The following NTSR1 variants were observed in gnomAD, a reference collection of about 807,000 sequenced individuals.
NTSR1 encodes neurotensin receptor type 1.
NTSR1 carries 29 observed loss-of-function variants against 31.2 expected under a neutral mutation model. That is an observed-to-expected ratio of 0.93 (90% CI 0.69 to 1.27). The LOEUF (loss-of-function observed/expected upper bound fraction) is 1.27. Among genes scored for constraint, NTSR1 ranks in the 50% most tolerant of loss-of-function variants. The pLI is 0.00. For synonymous variants in NTSR1, 282 were observed against 269.9 expected (o/e 1.04, Z -0.44); for missense variants, 697 against 595.4 (o/e 1.17, Z -1.78).
At chr20:62,725,707 C>A (rs1163712288) in intron 1 of NTSR1, among the ~76,000 whole-genome samples, 4 of 152,154 alleles carry the variant, frequency 2.6e-5, no homozygotes, top group Admixed American at 6.5e-5. Flanking sequence ...GGCACAGACG[C>A]CGCCGCCTCA....
At chr20:62,752,265 C>G (rs536420429) in intron 1 of NTSR1, among the ~76,000 whole-genome samples, 2 of 152,226 alleles carry the variant, frequency 1.3e-5, no homozygotes, top group Non-Finnish European at 2.9e-5. Context: ...TGGACGTGCT[C>G]CCTTTGCTTG....
intron 1 of NTSR1, among the ~76,000 whole-genome samples, chr20:62,722,627 C>T (rs1051492028): frequency 3.9e-5 from 6 of 152,174 alleles, no homozygotes; most frequent in African/African-American, 7.2e-5. Context: ...CAGATAGTAA[C>T]GTTCTGCCCG....
At chr20:62,746,438 A>G (rs1273206676) in intron 1 of NTSR1, among the ~76,000 whole-genome samples, 1 of 152,180 alleles carries the variant, frequency 6.6e-6, no homozygotes, top group Non-Finnish European at 1.5e-5. Flanking sequence ...TCTCCTCCCC[A>G]GGATCCAAGA....
In NTSR1 at chr20:62,714,170, C is replaced by T. The variant is rs373341667; in HGVS notation, c.714+4249C>T. On this transcript the variant is annotated intron_variant, in intron 1 of 3. Transcript: ENST00000370501. This position sits in a 1 kb window ranked among gnomAD's most constrained non-coding sequence, Gnocchi z 4.1. ...GCTCCACTCTGACCTCCCGTGAGGA[C>T]GGGAAGGGGACCCACGCCACGCAGC... 1.6e-4 allele frequency among the ~76,000 whole-genome samples: 25 copies of T among 152,308 alleles called. No individual in the cohort carries two copies. In the South Asian group the frequency reaches 1.7e-3, roughly 10 times the overall value.
chr20:62,721,132 T>G (rs1437247867), intron 1 of NTSR1, among the ~76,000 whole-genome samples: 1 of 152,240 alleles, frequency 6.6e-6, no homozygotes, highest in Non-Finnish European at 1.5e-5. Flanking sequence ...TCTATGAAGG[T>G]CAATTTGTTG....
rs971315125 is a variant in NTSR1 at position 62,715,620 on chromosome 20, G to A, written c.714+5699G>A. On this transcript the variant is annotated intron_variant, in intron 1 of 3. Coordinates refer to ENST00000370501, the MANE Select transcript of NTSR1 (RefSeq NM_002531.3). The surrounding 1 kb of genome is among the most constrained non-coding windows in gnomAD (Gnocchi z 4.7). ...TCACCTGTTCACAGCTCTGCATTGT[G>A]ACCCGGGGTCAGCTCTCCCGGGCTG... Among the ~76,000 whole-genome samples the A allele has an allele frequency of 2.0e-5, 3 of 152,226 alleles. No homozygotes were observed. The highest frequency in any genetic ancestry group is 3.2e-3 in the Middle Eastern group (1 of 316).
At chr20:62,727,543 G>A (rs747550848) in intron 1 of NTSR1, among the ~76,000 whole-genome samples, 8 of 152,366 alleles carry the variant, frequency 5.3e-5, no homozygotes, top group East Asian at 1.9e-4. Flanking sequence ...AGGAGAGTCC[G>A]CTGTGGTACG....
chr20:62,718,485 T>C (rs1049129812), intron 1 of NTSR1, among the ~76,000 whole-genome samples: 1 of 152,162 alleles, frequency 6.6e-6, no homozygotes, highest in Non-Finnish European at 1.5e-5. Context: ...AATGCAGCCA[T>C]GTATCCCCAC....
intron 1 of NTSR1, among the ~76,000 whole-genome samples, chr20:62,749,298 G>A (rs908108742): frequency 2.6e-5 from 4 of 152,092 alleles, no homozygotes; most frequent in East Asian, 1.9e-4. Context: ...AAAATTAGCC[G>A]GGTGTGGTGG....
intron 1 of NTSR1, among the ~76,000 whole-genome samples, chr20:62,729,883 A>G (rs1324552063): frequency 6.6e-6 from 1 of 152,108 alleles, no homozygotes; most frequent in Non-Finnish European, 1.5e-5. Flanking sequence ...TCGGCCTCCC[A>G]AAGTGCTGGG....
Position 62,742,622 on chromosome 20 carries a change from G to A in NTSR1, c.715-12063G>A, listed in dbSNP as rs1989224589. ...GCTCCCCAGACACCTGTTTACACAGGGCCCTAGGTCTCAGGTGTCCTGTGG... is the reference window on the plus strand; with the variant it reads ...GCTCCCCAGACACCTGTTTACACAGAGCCCTAGGTCTCAGGTGTCCTGTGG... On this transcript the variant is annotated intron_variant, in intron 1 of 3. Transcript: ENST00000370501. This position sits in a 1 kb window ranked among gnomAD's most constrained non-coding sequence, Gnocchi z 7.1. Among the ~76,000 whole-genome samples, 2 of 149,344 alleles carry A rather than the reference G, an allele frequency of 1.3e-5. No homozygotes were observed. Among genetic ancestry groups the A allele is most frequent in the Admixed American group, 1.3e-4 (2 of 14,858 alleles).
rs1357346921 is a variant in NTSR1 at position 62,758,944 on chromosome 20, A to G, written c.1007+588A>G. On this transcript the variant is annotated intron_variant, in intron 3 of 3. Transcript: ENST00000370501. The surrounding 1 kb of genome is among the most constrained non-coding windows in gnomAD (Gnocchi z 4.5). ...GCACCCACTGCCTGGCAAAACCCCTACTGTTTGCACCAACAGTTCAGGGGC... is the reference window on the plus strand; with the variant it reads ...GCACCCACTGCCTGGCAAAACCCCTGCTGTTTGCACCAACAGTTCAGGGGC... Among the ~76,000 whole-genome samples the G allele has an allele frequency of 6.6e-6, 1 of 152,122 alleles. No homozygotes were observed. The highest frequency in any genetic ancestry group is 1.5e-5 in the Non-Finnish European group (1 of 68,024).
At chr20:62,717,140 G>A (rs1482034079) in intron 1 of NTSR1, among the ~76,000 whole-genome samples, 1 of 152,202 alleles carries the variant, frequency 6.6e-6, no homozygotes, top group African/African-American at 2.4e-5. Context: ...AGCATTGCCA[G>A]TGGGGCACCA....
chr20:62,718,022 AG>A (rs1171652940), intron 1 of NTSR1, among the ~76,000 whole-genome samples: 13 of 152,140 alleles, frequency 8.5e-5, no homozygotes, highest in Non-Finnish European at 1.9e-4. Flanking sequence ...GATGCCAGGT[AG>A]GGGAACAGCA....
rs1214127030 is a variant in NTSR1 at position 62,760,144 on chromosome 20, A to G, written c.1134A>G (p.Thr378=). 2 of 1,614,098 alleles carry G rather than the reference A, an allele frequency of 1.2e-6. No homozygotes were observed. Among genetic ancestry groups the G allele is most frequent in the Non-Finnish European group, 1.7e-6 (2 of 1,180,010 alleles). The change falls in exon 4 of 4, where the codon ACA becomes ACG. Residue 378 remains threonine (T), a synonymous_variant. Transcript: ENST00000370501. ...SANFRHIFLA[T]LACLCPVWRR... is the part of the protein sequence containing the mutation. ...ACTTCCGCCACATCTTCCTGGCCAC[A>G]CTGGCCTGCCTCTGCCCGGTGTGGC...
At position 62,754,685 on chromosome 20, in the gene NTSR1, G is replaced by T; in HGVS notation, c.715G>T (p.Val239Phe). 2 of 1,611,738 alleles carry T rather than the reference G, an allele frequency of 1.2e-6. No individual in the cohort carries two copies. The highest frequency in any genetic ancestry group is 1.7e-6 in the Non-Finnish European group (2 of 1,179,400). Residue 239 changes from valine (V) to phenylalanine (F), a missense_variant and splice_region_variant, in exon 2 of 4, where the codon GTC becomes TTC. Physicochemically the swap from Val to Phe is conservative, Grantham distance 50 (BLOSUM62 -1). Transcript: ENST00000370501. ...HTATVKVVIQ[V>F]NTFMSFIFPM... Reference sequence around the variant, plus strand: ...CAGCCTCGCCCTTCCTCTCCTGCAGGTCAACACCTTCATGTCCTTCATATT... The same window carrying T: ...CAGCCTCGCCCTTCCTCTCCTGCAGTTCAACACCTTCATGTCCTTCATATT...
Position 62,760,220 on chromosome 20 carries a change from A to G in NTSR1, c.1210A>G (p.Ser404Gly), listed in dbSNP as rs748356190. 11 of 1,613,522 alleles carry G rather than the reference A, an allele frequency of 6.8e-6. No individual in the cohort carries two copies. Among genetic ancestry groups the G allele is most frequent in the African/African-American group, 1.3e-5 (1 of 74,898 alleles). Residue 404 changes from serine (S) to glycine (G), a missense_variant, in exon 4 of 4, where the codon AGC (serine) becomes GGC (glycine). Ser to Gly is a moderately conservative substitution (Grantham distance 56). Coordinates refer to ENST00000370501, the MANE Select transcript of NTSR1 (RefSeq NM_002531.3). Reference sequence around the variant, plus strand: ...CTCGAGGAAGGCCGACAGCGTGTCCAGCAACCACACCCTCTCCAGCAATGC... The same window carrying G: ...CTCGAGGAAGGCCGACAGCGTGTCCGGCAACCACACCCTCTCCAGCAATGC... ...AFSRKADSVS[S>G]NHTLSSNATR...
chr20:62,713,952 T>C (rs1988665547), intron 1 of NTSR1, among the ~76,000 whole-genome samples: 1 of 152,068 alleles, frequency 6.6e-6, no homozygotes, highest in Non-Finnish European at 1.5e-5. Context: ...ATACAAAAAT[T>C]AGCTGGGCGT....
chr20:62,724,707 AAC>A lies in NTSR1; in HGVS notation c.714+14790_714+14791del, dbSNP rs1336317618. 5.3e-5 allele frequency among the ~76,000 whole-genome samples: 8 copies of A among 152,294 alleles called. No individual in the cohort carries two copies. The East Asian group carries it at 1.5e-3, about 29-fold the overall frequency. On this transcript the variant is annotated intron_variant, in intron 1 of 3. Coordinates refer to ENST00000370501, the MANE Select transcript of NTSR1 (RefSeq NM_002531.3). ...GTCTCTTGGGGCTGCAGAGGCTCAAAACACAGAAATGTGTCCTCCGTGGCTCT... is the reference window on the plus strand; with the variant it reads ...GTCTCTTGGGGCTGCAGAGGCTCAAAACAGAAATGTGTCCTCCGTGGCTCT...
Sources: gnomAD v4.1 joint callset for allele counts (sites outside exome capture counted in the v4.1 genomes callset) on GRCh38, gnomAD v4.1.1 for gene constraint, Gnocchi (gnomAD v3.1) non-coding constraint, MANE v1.5 for transcripts, NCBI Gene and HGNC (gene_info 2026-07-23, HGNC 2026-07-21) for gene names.